CCSER1: variants seen among roughly 807,000 people sequenced by gnomAD.
CCSER1 encodes the protein serine-rich coiled-coil domain-containing protein 1.
A neutral mutation model predicts 82.0 loss-of-function variants in CCSER1; 41 were observed. That is an observed-to-expected ratio of 0.50 (90% CI 0.39 to 0.65). The LOEUF is 0.65. Among genes scored for constraint, CCSER1 ranks in the 30% least tolerant of loss-of-function variants. The pLI, the probability that CCSER1 is intolerant of heterozygous loss-of-function variation, is 0.00. For synonymous variants in CCSER1, 414 were observed against 383.9 expected, an observed-to-expected ratio of 1.08 and a Z score of -0.92; for missense variants, 1,119 against 1,064.2, an observed-to-expected ratio of 1.05 and a Z score of -0.72.
At chr4:90,626,323 GATT>G (rs200630750) in intron 5 of CCSER1, among the ~76,000 whole-genome samples, 1,922 of 152,030 alleles carry the variant, frequency 0.013, 17 homozygotes, top group South Asian at 0.026. Context: ...TCAAAAATTC[GATT>G]ATAACTAAAG....
chr4:91,297,423 GTTAGGGAGACAGA>G (rs1744301564), intron 10 of CCSER1, among the ~76,000 whole-genome samples: 1 of 143,772 alleles, frequency 7.0e-6, no homozygotes, highest in Non-Finnish European at 1.5e-5. Context: ...GTGTGTGTGT[GTTAGGGAGACAGA>G]TGTGGATAAG....
chr4:90,318,612 A>AT (rs150529816), intron 3 of CCSER1, among the ~76,000 whole-genome samples: 6,505 of 152,226 alleles, frequency 0.043, 198 homozygotes, highest in African/African-American at 0.076. Context: ...ATCACATTTA[A>AT]TTTTTTGGTA....
At chr4:91,392,343 G>T (rs886782834) in intron 10 of CCSER1, among the ~76,000 whole-genome samples, 4 of 104,420 alleles carry the variant, frequency 3.8e-5, no homozygotes, top group Non-Finnish European at 8.4e-5. Context: ...AAACTAGTTA[G>T]CAATATGAAA....
chr4:90,435,399 A>T (rs1182189602), intron 4 of CCSER1, among the ~76,000 whole-genome samples: 1 of 152,154 alleles, frequency 6.6e-6, no homozygotes, highest in Non-Finnish European at 1.5e-5. Context: ...TTTCTCCTAG[A>T]GAGGGATCTC....
intron 7 of CCSER1, among the ~76,000 whole-genome samples, chr4:90,776,712 A>G (rs1445863337): frequency 6.6e-6 from 1 of 152,204 alleles, no homozygotes; most frequent in African/African-American, 2.4e-5. Context: ...GTTTACAACA[A>G]CCTTATTAAA....
chr4:90,932,990 A>AGAGAG (rs1348128730), intron 9 of CCSER1, among the ~76,000 whole-genome samples: 3 of 48,490 alleles, frequency 6.2e-5, no homozygotes, highest in African/African-American at 1.2e-4. Context: ...AAGAGAAAGA[A>AGAGAG]AGAAAGAAAG....
chr4:91,276,748 C>T (rs1323955129), intron 10 of CCSER1, among the ~76,000 whole-genome samples: 1 of 152,092 alleles, frequency 6.6e-6, no homozygotes, highest in Non-Finnish European at 1.5e-5. Flanking sequence ...AAAGATTTTC[C>T]AGTTTTTCCC....
intron 3 of CCSER1, among the ~76,000 whole-genome samples, chr4:90,359,887 ATGTG>A (rs1230784919): frequency 6.3e-5 from 5 of 79,274 alleles, no homozygotes; most frequent in Non-Finnish European, 1.1e-4. Flanking sequence ...GTGTATATAT[ATGTG>A]TGTGTGTATA....
chr4:90,343,652 T>C (rs537073176), intron 3 of CCSER1, among the ~76,000 whole-genome samples: 1 of 152,066 alleles, frequency 6.6e-6, no homozygotes, highest in Non-Finnish European at 1.5e-5. Flanking sequence ...CTAGACTATA[T>C]TTTTTAGACT....
At chr4:90,574,177 G>A (rs1289155511) in intron 5 of CCSER1, among the ~76,000 whole-genome samples, 1 of 138,010 alleles carries the variant, frequency 7.2e-6, no homozygotes, top group African/African-American at 2.7e-5. Context: ...GAACCTTGCA[G>A]TTATTTAGCT....
intron 10 of CCSER1, among the ~76,000 whole-genome samples, chr4:91,565,026 TTGTGTGTGTGTGTGTGTGTG>T (rs56723869): frequency 0.042 from 5,490 of 131,122 alleles, 217 homozygotes; most frequent in African/African-American, 0.11. Context: ...GCACCTTGAG[TTGTGTGTGTGTGTGTGTGTG>T]TGTGTGTGTG....
At chr4:90,204,021 C>T (rs562032676) in intron 1 of CCSER1, among the ~76,000 whole-genome samples, 10 of 152,238 alleles carry the variant, frequency 6.6e-5, no homozygotes, top group East Asian at 1.9e-4. Flanking sequence ...CATCCTTCAC[C>T]CACTTTTGGA....
chr4:90,880,469 G>T lies in CCSER1; in HGVS notation c.2095-42901G>T, dbSNP rs115769498. On this transcript the variant is annotated intron_variant, in intron 8 of 10. Coordinates refer to ENST00000509176, the MANE Select transcript of CCSER1 (RefSeq NM_001145065.2). ...GGGAGACTAACTACCTCCTCTCTTTGGGTCAACTGCAGCTTATTGGAGGTG... is the reference window on the plus strand; with the variant it reads ...GGGAGACTAACTACCTCCTCTCTTTTGGTCAACTGCAGCTTATTGGAGGTG... Among the ~76,000 whole-genome samples the T allele has an allele frequency of 9.6e-3, 1,457 of 152,230 alleles. 24 individuals carry two copies. The highest frequency in any genetic ancestry group is 0.033 in the African/African-American group (1,390 of 41,536).
intron 7 of CCSER1, among the ~76,000 whole-genome samples, chr4:90,771,779 T>C (rs1368586826): frequency 1.3e-5 from 2 of 152,214 alleles, no homozygotes; most frequent in Non-Finnish European, 2.9e-5. Context: ...TACTACTTGT[T>C]TTTCTTCTTA....
In CCSER1 at chr4:90,815,762, G is replaced by C. The variant is rs1758929437; in HGVS notation, c.2011G>C (p.Asp671His). Residue 671 changes from aspartate to histidine, a missense_variant and splice_region_variant, in exon 8 of 11, where the codon GAT (aspartate) becomes CAT (histidine). By Grantham distance (81) the Asp-to-His change is moderately conservative. Transcript: ENST00000509176. ...PLTEEPVPFKDIMKDECSMLK... is the reference protein window; with the variant it reads ...PLTEEPVPFKHIMKDECSMLK... ...TGCTGTCTCTTTGATGTTTTTATAG[G>C]ATATAATGAAAGATGAATGCTCGAT... The C allele has an allele frequency of 1.9e-6, 3 of 1,549,216 alleles. No individual in the cohort carries two copies. Among genetic ancestry groups the C allele is most frequent in the Non-Finnish European group, 2.6e-6 (3 of 1,145,400 alleles).
chr4:90,385,201 G>T (rs949734647), intron 3 of CCSER1, among the ~76,000 whole-genome samples: 14 of 151,998 alleles, frequency 9.2e-5, no homozygotes, highest in Non-Finnish European at 1.5e-5. Context: ...ATAAGTGCAG[G>T]TGTCTTTTTG....
intron 6 of CCSER1, among the ~76,000 whole-genome samples, chr4:90,628,860 A>T (rs1723816357): frequency 6.6e-6 from 1 of 152,116 alleles, no homozygotes; most frequent in African/African-American, 2.4e-5. Context: ...TGATTTTTAT[A>T]ATTACAACAG....
chr4:90,674,144 GTACTTAGTAT>G, intron 6 of CCSER1, among the ~76,000 whole-genome samples: 1 of 152,112 alleles, frequency 6.6e-6, no homozygotes, highest in East Asian at 1.9e-4. Context: ...GGAGGAGAAA[GTACTTAGTAT>G]TACAAGCTTT....
At chr4:90,969,401 G>A (rs1000318201) in intron 9 of CCSER1, among the ~76,000 whole-genome samples, 1 of 151,874 alleles carries the variant, frequency 6.6e-6, no homozygotes, top group African/African-American at 2.4e-5. Context: ...TTTGAAAATA[G>A]CAAGACAAAA....
Sources: gnomAD v4.1 joint callset for allele counts (sites outside exome capture counted in the v4.1 genomes callset) on GRCh38, gnomAD v4.1.1 for gene constraint, MANE v1.5 for transcripts, NCBI Gene and HGNC (gene_info 2026-07-23, HGNC 2026-07-21) for gene names.